The following PACRG variants were observed in gnomAD, a reference collection of about 807,000 sequenced individuals.
PACRG encodes the protein parkin coregulated, also known as parkin coregulated gene protein.
In PACRG, 29 loss-of-function variants were observed where a neutral mutation model predicts 29.7. The ratio of observed to expected loss-of-function variants is 0.98; its 90% confidence interval spans 0.73 to 1.33. The LOEUF (loss-of-function observed/expected upper bound fraction) is 1.33, where lower values mean the gene tolerates loss of function less well. Among genes scored for constraint, PACRG ranks in the 40% most tolerant of loss-of-function variants. PACRG has a pLI of 0.00. For synonymous variants in PACRG, 116 were observed against 118.7 expected (o/e 0.98, Z 0.15); for missense variants, 279 against 316.2 (o/e 0.88, Z 0.89).
intron 2 of PACRG, among the ~76,000 whole-genome samples, chr6:162,991,968 A>C (rs1453371982): frequency 2.4e-5 from 3 of 124,402 alleles, no homozygotes; most frequent in African/African-American, 4.1e-5. Flanking sequence ...GAATTTTGTC[A>C]AAGGCCTTTT....
intron 4 of PACRG, among the ~76,000 whole-genome samples, chr6:163,229,725 T>C (rs1457825673): frequency 1.3e-5 from 2 of 152,106 alleles, no homozygotes; most frequent in Admixed American, 6.6e-5. Flanking sequence ...GGGAAGAAAT[T>C]TGGGACAGAA....
chr6:162,812,385 T>G (rs529043616), intron 1 of PACRG, among the ~76,000 whole-genome samples: 1 of 152,242 alleles, frequency 6.6e-6, no homozygotes, highest in Admixed American at 6.5e-5. Flanking sequence ...CACACACACA[T>G]GCACATACAT....
At chr6:163,050,001 T>G (rs1809826891) in intron 2 of PACRG, among the ~76,000 whole-genome samples, 1 of 152,102 alleles carries the variant, frequency 6.6e-6, no homozygotes, top group East Asian at 1.9e-4. Flanking sequence ...GTCATTATAT[T>G]TTGAGTGTTC....
At chr6:163,124,977 A>G (rs1816456533) in intron 4 of PACRG, among the ~76,000 whole-genome samples, 1 of 152,248 alleles carries the variant, frequency 6.6e-6, no homozygotes, top group Non-Finnish European at 1.5e-5. Flanking sequence ...TTGGAATTAT[A>G]AGAGAGGAAA....
chr6:163,001,318 A>G (rs1457161603), intron 2 of PACRG, among the ~76,000 whole-genome samples: 1 of 152,220 alleles, frequency 6.6e-6, no homozygotes, highest in Non-Finnish European at 1.5e-5. Flanking sequence ...GGCCACGGGG[A>G]GATCAGTGCT....
chr6:163,109,652 A>AG (rs2128318662), intron 4 of PACRG, among the ~76,000 whole-genome samples: 1 of 152,336 alleles, frequency 6.6e-6, no homozygotes, highest in African/African-American at 2.4e-5. Context: ...CCTCCCCTCA[A>AG]TGCTTTGAAG....
intron 2 of PACRG, among the ~76,000 whole-genome samples, chr6:162,816,103 G>A (rs1036856749): frequency 6.6e-6 from 1 of 151,976 alleles, no homozygotes; most frequent in African/African-American, 2.4e-5. Context: ...AGTCAGCAGG[G>A]ATATAAAATG....
At chr6:162,938,595 G>C (rs185563655) in intron 2 of PACRG, among the ~76,000 whole-genome samples, 9 of 152,172 alleles carry the variant, frequency 5.9e-5, no homozygotes, top group African/African-American at 1.9e-4. Flanking sequence ...CAGAGTGGCT[G>C]TACTAGTTTA....
rs1396397484 is a variant in PACRG, at chr6:162,777,805, C to T, written c.157-36342C>T. Among the ~76,000 whole-genome samples, 2 of 152,168 alleles carry T rather than the reference C, an allele frequency of 1.3e-5. No individual in the cohort carries two copies. The highest frequency in any genetic ancestry group is 2.4e-5 in the African/African-American group (1 of 41,438). The stretch of plus-strand genomic sequence containing the variant: ...GTTCAAATGCAGCTGATTTGAACAA[C>T]ATTTACTGCACTTGCTTTGAACTAA... On this transcript the variant is annotated intron_variant, in intron 1 of 4. Coordinates refer to ENST00000366888, the MANE Select transcript of PACRG (RefSeq NM_001080379.2). This position sits in a 1 kb window ranked among gnomAD's most constrained non-coding sequence, Gnocchi z 4.0.
intron 2 of PACRG, among the ~76,000 whole-genome samples, chr6:163,004,735 T>C (rs201719944): frequency 0.065 from 8,966 of 137,632 alleles, 845 homozygotes; most frequent in African/African-American, 0.22. Flanking sequence ...TGTATATATA[T>C]ATACACACAC....
chr6:163,162,104 C>A (rs1778580372), intron 4 of PACRG, among the ~76,000 whole-genome samples: 1 of 152,112 alleles, frequency 6.6e-6, no homozygotes, highest in Admixed American at 6.5e-5. Context: ...CTGGAGCCTC[C>A]ACATCCTGGA....
intron 1 of PACRG, among the ~76,000 whole-genome samples, chr6:162,806,695 A>G (rs1332847058): frequency 1.3e-5 from 2 of 152,178 alleles, no homozygotes; most frequent in African/African-American, 4.8e-5. Flanking sequence ...TGTTCCATTT[A>G]CAGAGTACAG....
At chr6:163,057,781 A>G (rs1810724528) in intron 2 of PACRG, among the ~76,000 whole-genome samples, 1 of 152,180 alleles carries the variant, frequency 6.6e-6, no homozygotes, top group Admixed American at 6.5e-5. Flanking sequence ...TGAATTCCCA[A>G]AATATCTTAA....
chr6:163,174,633 G>T (rs574936292), intron 4 of PACRG, among the ~76,000 whole-genome samples: 1 of 152,292 alleles, frequency 6.6e-6, no homozygotes, highest in Admixed American at 6.5e-5. Flanking sequence ...GAGAATCCCA[G>T]ACTCGTACAG....
intron 3 of PACRG, among the ~76,000 whole-genome samples, chr6:163,083,524 G>A (rs1467490710): frequency 1.3e-5 from 2 of 152,158 alleles, no homozygotes; most frequent in African/African-American, 4.8e-5. Context: ...TCCTGAGGCT[G>A]TGTCAGGGGC....
intron 4 of PACRG, among the ~76,000 whole-genome samples, chr6:163,281,509 G>A (rs1465929803): frequency 6.6e-6 from 1 of 151,954 alleles, no homozygotes; most frequent in Non-Finnish European, 1.5e-5. Flanking sequence ...GCGTACAACT[G>A]CTAAAAAATA....
At chr6:162,734,827 A>G (rs532809806) in intron 1 of PACRG, among the ~76,000 whole-genome samples, 26 of 152,334 alleles carry the variant, frequency 1.7e-4, no homozygotes, top group African/African-American at 6.0e-4. Context: ...AAACACACTG[A>G]TACAACCAAC....
chr6:162,964,512 G>T (rs1800875299), intron 2 of PACRG, among the ~76,000 whole-genome samples: 1 of 152,172 alleles, frequency 6.6e-6, no homozygotes, highest in East Asian at 1.9e-4. Context: ...CCAGAAGTAG[G>T]ATATGGCCTA....
At chr6:163,219,087 C>A (rs554553427) in intron 4 of PACRG, among the ~76,000 whole-genome samples, 2 of 152,156 alleles carry the variant, frequency 1.3e-5, no homozygotes, top group Non-Finnish European at 2.9e-5. Flanking sequence ...GGTTGATATG[C>A]CCAGCTCTAA....
Sources: gnomAD v4.1 joint callset for allele counts (sites outside exome capture counted in the v4.1 genomes callset) on GRCh38, gnomAD v4.1.1 for gene constraint, Gnocchi (gnomAD v3.1) non-coding constraint, MANE v1.5 for transcripts, NCBI Gene and HGNC (gene_info 2026-07-23, HGNC 2026-07-21) for gene names.